Variants in MACF1 observed in about 807,000 individuals in gnomAD.
MACF1 encodes microtubule actin crosslinking factor 1.
MACF1 carries 193 observed loss-of-function variants against 854.8 expected under a neutral mutation model. The observed-to-expected ratio is 0.23, with a 90% CI of 0.20 to 0.25. The LOEUF (loss-of-function observed/expected upper bound fraction) is 0.25, where lower values mean the gene tolerates loss of function less well. Ranked by LOEUF, MACF1 falls within the 10% of genes least tolerant of loss-of-function variation. The pLI, the probability that MACF1 is intolerant of heterozygous loss-of-function variation, is 1.00. For synonymous variants in MACF1, 3,185 were observed against 3,226.7 expected (o/e 0.99, Z 0.44); for missense variants, 7,722 against 8,929.1 (o/e 0.86, Z 5.45).
rs150969133 is a variant in MACF1, at chr1:39,360,915, A to T, written c.12367A>T (p.Ile4123Phe). 6.2e-7 allele frequency: 1 copy of T among 1,614,006 alleles called. No individual in the cohort carries two copies. The highest frequency in any genetic ancestry group is 1.1e-5 in the South Asian group (1 of 91,076). The change falls in exon 48 of 101, where the codon ATT (isoleucine) becomes TTT (phenylalanine). Residue 4123 changes from isoleucine to phenylalanine, a missense_variant. Ile to Phe is a conservative substitution (Grantham distance 21). Around this residue, in one of 15 missense-constraint regions of MACF1, gnomAD observed 2,807 missense variants for 3,235.8 expected, o/e 0.87. Transcript: ENST00000564288. ...QESLESLLQS[I>F]GEVEQNLEGK... ...AAGCCTGGAGAGCCTGTTGCAGTCT[A>T]TTGGGGAAGTTGAACAAAACCTGGA...
chr1:39,368,079 C>T lies in MACF1; in HGVS notation c.12772-69C>T, dbSNP rs921985709. 2.1e-5 allele frequency: 28 copies of T among 1,339,640 alleles called. No homozygotes were observed. The African/African-American group carries it at 4.1e-4, about 19-fold the overall frequency. 83.0% of individuals were successfully genotyped at this position (1,339,640 alleles called of 1,614,324 possible). A position where few individuals can be genotyped will look rare whatever the true frequency, so the allele number is the denominator to read the frequency against. On this transcript the variant is annotated intron_variant, in intron 49 of 100. Coordinates refer to ENST00000564288, the MANE Select transcript of MACF1 (RefSeq NM_001394062.1). ...TTTGACCTGGCAAGCATACCTCTTT[C>T]CTTATTCCTTTTTAGAGTATATTTA...
Position 39,310,836 on chromosome 1 carries a change from A to G in MACF1, c.3106A>G (p.Lys1036Glu), listed in dbSNP as rs752839611. Residue 1036 changes from lysine (K) to glutamate (E), a missense_variant, in exon 26 of 101, where the codon AAA becomes GAA. Transcript: ENST00000564288. The stretch of plus-strand genomic sequence containing the variant: ...TTGTGTTTGTTCATTCACAGAGGAC[A>G]AAGAGGAGACTGTGGCCAAGATGTA... Reference protein sequence around the residue: ...HLMKSMENEDKEETVAKMYIS... With the variant: ...HLMKSMENEDEEETVAKMYIS... The G allele has an allele frequency of 6.2e-7, 1 of 1,610,612 alleles. No homozygotes were observed. The highest frequency in any genetic ancestry group is 8.5e-7 in the Non-Finnish European group (1 of 1,178,250).
chr1:39,477,016 A>C (rs1644897560), intron 97 of MACF1, among the ~76,000 whole-genome samples: 2 of 147,002 alleles, frequency 1.4e-5, no homozygotes, highest in African/African-American at 5.0e-5. Flanking sequence ...CCTCTTAGAT[A>C]TATATACACA....
intron 26 of MACF1, among the ~76,000 whole-genome samples, chr1:39,312,182 C>T (rs1646314514): frequency 6.6e-6 from 1 of 152,092 alleles, no homozygotes; most frequent in Non-Finnish European, 1.5e-5. Flanking sequence ...TATAACTGCA[C>T]CACTGCACTC....
intron 2 of MACF1, among the ~76,000 whole-genome samples, chr1:39,163,244 A>G (rs1231069445): frequency 6.8e-6 from 1 of 146,964 alleles, no homozygotes; most frequent in Non-Finnish European, 1.5e-5. Flanking sequence ...CCAGCTCCTC[A>G]GGAGGCTAAG....
Position 39,288,098 on chromosome 1 carries a change from G to A in MACF1, c.1785+536G>A, listed in dbSNP as rs60801133. Among the ~76,000 whole-genome samples the A allele has an allele frequency of 1.6e-3, 248 of 152,246 alleles. 1 individual carries two copies. The highest frequency in any genetic ancestry group is 8.3e-3 in the East Asian group (43 of 5,186). ...ACATGAGATATTTTGATACAGGCAT[G>A]TAATGCATAATAATCACATCATGGA... On this transcript the variant is annotated intron_variant, in intron 15 of 100. Transcript: ENST00000564288.
chr1:39,410,536 A>G (rs903218993), intron 58 of MACF1: 56 of 1,613,924 alleles, frequency 3.5e-5, no homozygotes, highest in Non-Finnish European at 4.7e-5. Context: ...ACCAGAAGGT[A>G]AGAAGCTGGA....
chr1:39,352,378 G>A lies in MACF1; in HGVS notation c.11200-629G>A, dbSNP rs147462568. 1.2e-3 allele frequency among the ~76,000 whole-genome samples: 182 copies of A among 152,284 alleles called. 1 individual carries two copies. The highest frequency in any genetic ancestry group is 4.3e-3 in the African/African-American group (180 of 41,552). On this transcript the variant is annotated intron_variant, in intron 43 of 100. Coordinates refer to ENST00000564288, the MANE Select transcript of MACF1 (RefSeq NM_001394062.1). Reference sequence around the variant, plus strand: ...AAGTTTGTCTTTCCTTTAGGAAAGAGCAGCCCGGTAACTGAATGTGACTGT... The same window carrying A: ...AAGTTTGTCTTTCCTTTAGGAAAGAACAGCCCGGTAACTGAATGTGACTGT...
At chr1:39,169,708 C>T (rs900128100) in intron 2 of MACF1, among the ~76,000 whole-genome samples, 1 of 151,962 alleles carries the variant, frequency 6.6e-6, no homozygotes, top group Non-Finnish European at 1.5e-5. Flanking sequence ...CACACAAACC[C>T]TGTTCCTCAT....
Position 39,423,709 on chromosome 1 carries a change from C to T in MACF1, c.16150-319C>T, listed in dbSNP as rs1030607145. 2.6e-5 allele frequency among the ~76,000 whole-genome samples: 4 copies of T among 151,626 alleles called. No individual in the cohort carries two copies. The South Asian group carries it at 6.3e-4, about 24-fold the overall frequency. On this transcript the variant is annotated intron_variant, in intron 60 of 100. Transcript: ENST00000564288. ...TACATATACGTTGTGAAATGTTTAC[C>T]GTAGTCAAGATAATTAACATATTCA...
Position 39,388,636 on chromosome 1 carries a change from A to G in MACF1, c.15794A>G (p.Asn5265Ser), listed in dbSNP as rs199845418. The stretch of plus-strand genomic sequence containing the variant: ...GTGGGGACCGAAGTGGAAATCATCA[A>G]CCAACAATTAGCAGATTTTAAAGTA... ...WVVGTEVEII[N>S]QQLADFKMFQ... Residue 5265 changes from asparagine (N) to serine (S), a missense_variant, in exon 58 of 101, where the codon AAC becomes AGC. This residue lies in a region of MACF1 where 2,807 missense variants were observed against 3,235.8 expected (regional missense o/e 0.87). Transcript: ENST00000564288. The G allele has an allele frequency of 5.5e-5, 86 of 1,576,586 alleles. No individual in the cohort carries two copies. Among genetic ancestry groups the G allele is most frequent in the African/African-American group, 4.2e-4 (31 of 73,050 alleles).
intron 1 of MACF1, among the ~76,000 whole-genome samples, chr1:39,208,769 C>T (rs1405136940): frequency 1.3e-5 from 2 of 152,010 alleles, no homozygotes; most frequent in South Asian, 2.1e-4. Flanking sequence ...GGATTACAGG[C>T]GCACGCCACC....
chr1:39,160,646 G>A (rs2148207848), intron 2 of MACF1, among the ~76,000 whole-genome samples: 1 of 152,296 alleles, frequency 6.6e-6, no homozygotes, highest in East Asian at 1.9e-4. Flanking sequence ...TTTTCAGGTG[G>A]GAGAAGTTCC....
At chr1:39,440,115 T>TCTTTTC (rs200307058) in intron 72 of MACF1, among the ~76,000 whole-genome samples, 6 of 135,996 alleles carry the variant, frequency 4.4e-5, no homozygotes, top group Non-Finnish European at 6.2e-5. Context: ...TCTTTTCTTT[T>TCTTTTC]TTTTTTTTTT....
upstream of MACF1, among the ~76,000 whole-genome samples, chr1:39,201,500 G>A (rs963351777): frequency 1.6e-4 from 24 of 151,914 alleles, no homozygotes; most frequent in African/African-American, 5.8e-4. Flanking sequence ...CTACAGGCGC[G>A]TGCCACCACG....
chr1:39,477,068 T>C (rs146491359), intron 97 of MACF1, among the ~76,000 whole-genome samples: 1 of 19,504 alleles, frequency 5.1e-5, no homozygotes, highest in African/African-American at 2.3e-4. Flanking sequence ...TATATATATA[T>C]ATATATATAT....
At chr1:39,219,748 G>A (rs1236115037) in intron 1 of MACF1, among the ~76,000 whole-genome samples, 1 of 152,178 alleles carries the variant, frequency 6.6e-6, no homozygotes, top group Non-Finnish European at 1.5e-5. Context: ...CCTGCTCCCT[G>A]CTGAAAAGCA....
chr1:39,291,706 A>G (rs961143461), intron 15 of MACF1, among the ~76,000 whole-genome samples: 2 of 152,164 alleles, frequency 1.3e-5, no homozygotes, highest in Non-Finnish European at 2.9e-5. Context: ...GCTCTGTTGT[A>G]TAATTGGTGG....
Position 39,410,061 on chromosome 1 carries a change from G to T in MACF1, c.15817-12313G>T, listed in dbSNP as rs1201608547. On this transcript the variant is annotated intron_variant, in intron 58 of 100. Coordinates refer to ENST00000564288, the MANE Select transcript of MACF1 (RefSeq NM_001394062.1). ...TCGTCTGTCAACCATGAGGCTGCTA[G>T]CCTGTGAGGAAAAAGCTGTTTGTCT... The T allele has an allele frequency of 1.1e-4, 52 of 461,958 alleles. No homozygotes were observed. In the East Asian group the frequency reaches 1.6e-3, roughly 15 times the overall value. The allele number at this position is 461,958 out of a possible 1,614,324, so 28.6% of individuals were successfully genotyped here.
Sources: allele counts gnomAD v4.1 joint callset (sites outside exome capture counted in the v4.1 genomes callset), GRCh38; gene constraint gnomAD v4.1.1; regional missense constraint gnomAD v4.1.1; transcripts MANE v1.5; gene names NCBI Gene and HGNC (gene_info 2026-07-23, HGNC 2026-07-21).